ESR1: variants seen among roughly 807,000 people sequenced by gnomAD.
The protein encoded by ESR1 is estrogen receptor 1.
Under a neutral mutation model 52.7 loss-of-function variants are expected in ESR1, and 12 were observed. That is an observed-to-expected ratio of 0.23 (90% CI 0.15 to 0.37). The LOEUF (loss-of-function observed/expected upper bound fraction) is 0.37, where lower values mean the gene tolerates loss of function less well. Among genes scored for constraint, ESR1 ranks in the 10% least tolerant of loss-of-function variants. ESR1 has a pLI of 1.00. For synonymous variants in ESR1, 305 were observed against 316.8 expected, an observed-to-expected ratio of 0.96 and a Z score of 0.39; for missense variants, 584 against 779.7, an observed-to-expected ratio of 0.75 and a Z score of 2.99.
intron 2 of ESR1, among the ~76,000 whole-genome samples, chr6:151,846,871 T>C (rs138130355): frequency 2.6e-4 from 40 of 152,294 alleles, no homozygotes; most frequent in African/African-American, 8.7e-4. Context: ...ATGAGTTATA[T>C]AAGCAGATCT....
At position 151,752,055 on chromosome 6, in the gene ESR1, G is replaced by T. The variant is rs139185627; in HGVS notation, c.-71+50050G>T. 5.3e-5 allele frequency among the ~76,000 whole-genome samples: 8 copies of T among 152,276 alleles called. 1 individual carries two copies. In the East Asian group the frequency reaches 1.5e-3, roughly 29 times the overall value. ...TTGGGTATTTTAGTTGGCAAATTTTGCAGACATGTAGCTTTGGTAGTGGAG... is the reference window on the plus strand; with the variant it reads ...TTGGGTATTTTAGTTGGCAAATTTTTCAGACATGTAGCTTTGGTAGTGGAG... On this transcript the variant is annotated intron_variant, in intron 2 of 2. Coordinates refer to the ESR1 transcript ENST00000404742.
chr6:151,816,924 TAATC>T (rs1411060158), intron 1 of ESR1, among the ~76,000 whole-genome samples: 3 of 152,044 alleles, frequency 2.0e-5, no homozygotes, highest in East Asian at 1.9e-4. Flanking sequence ...CAGTAAAAAT[TAATC>T]AATCAATAAA....
intron 2 of ESR1, among the ~76,000 whole-genome samples, chr6:151,850,498 A>G (rs1358240091): frequency 6.6e-6 from 1 of 151,956 alleles, no homozygotes; most frequent in Admixed American, 6.6e-5. Context: ...ACATCTACAA[A>G]GCAAGGAACA....
intron 3 of ESR1, among the ~76,000 whole-genome samples, chr6:151,887,040 CAA>C (rs11316986): frequency 1.0e-3 from 93 of 90,718 alleles, no homozygotes; most frequent in African/African-American, 2.2e-3. Flanking sequence ...GACTCCATCT[CAA>C]AAAAAAAAAA....
intron 3 of ESR1, among the ~76,000 whole-genome samples, chr6:151,906,362 GA>G (rs1451693004): frequency 6.6e-6 from 1 of 151,874 alleles, no homozygotes; most frequent in Non-Finnish European, 1.5e-5. Context: ...ACCTAGTTAA[GA>G]AAAAGCAGTT....
rs1011836411 is a variant in ESR1 at position 151,872,103 on chromosome 6, C to T, written c.644-8552C>T. Among the ~76,000 whole-genome samples the T allele has an allele frequency of 5.9e-5, 9 of 152,144 alleles. No homozygotes were observed. In the East Asian group the frequency reaches 7.7e-4, roughly 13 times the overall value. Reference sequence around the variant, plus strand: ...ATTATTTTGGGTCTACACCTCAAAGCGGAATTGTTGGAAGTGGAATTGCTT... The same window carrying T: ...ATTATTTTGGGTCTACACCTCAAAGTGGAATTGTTGGAAGTGGAATTGCTT... On this transcript the variant is annotated intron_variant, in intron 2 of 7. Transcript: ENST00000206249.
At chr6:151,875,191 C>T (rs1791607097) in intron 2 of ESR1, among the ~76,000 whole-genome samples, 2 of 152,282 alleles carry the variant, frequency 1.3e-5, no homozygotes, top group South Asian at 4.1e-4. Context: ...CATCTATGAA[C>T]ATCTGCTTTA....
chr6:151,694,757 C>G (rs1193891855), intron 1 of ESR1, among the ~76,000 whole-genome samples: 1 of 150,540 alleles, frequency 6.6e-6, no homozygotes, highest in Non-Finnish European at 1.5e-5. Context: ...ATTGAACTCC[C>G]ACCTGGGCAA....
intron 5 of ESR1, among the ~76,000 whole-genome samples, chr6:152,025,205 C>G (rs75886610): frequency 7.8e-6 from 1 of 127,472 alleles, no homozygotes; most frequent in Admixed American, 8.2e-5. Flanking sequence ...CTTCATCACG[C>G]TTTTTTTTTT....
intron 4 of ESR1, among the ~76,000 whole-genome samples, chr6:151,973,568 A>C (rs2128643088): frequency 6.6e-6 from 1 of 152,254 alleles, no homozygotes; most frequent in South Asian, 2.1e-4. Flanking sequence ...TTTTCCTGAG[A>C]GTCTACTATG....
chr6:151,858,984 A>G (rs1423852659), intron 2 of ESR1, among the ~76,000 whole-genome samples: 2 of 152,212 alleles, frequency 1.3e-5, no homozygotes, highest in African/African-American at 4.8e-5. Flanking sequence ...GGCTATGGGT[A>G]AGGTTACAGT....
At chr6:152,086,085 C>A (rs1465502237) in intron 6 of ESR1, among the ~76,000 whole-genome samples, 1 of 152,196 alleles carries the variant, frequency 6.6e-6, no homozygotes, top group Admixed American at 6.5e-5. Flanking sequence ...GAGACTAGGT[C>A]ACCCCAGTGG....
intron 6 of ESR1, among the ~76,000 whole-genome samples, chr6:152,071,198 A>G (rs182587306): frequency 4.6e-5 from 7 of 151,314 alleles, no homozygotes; most frequent in African/African-American, 1.7e-4. Flanking sequence ...CAAAGACCTC[A>G]TGATCTGATG....
chr6:151,783,738 A>T (rs1013930111), intron 2 of ESR1, among the ~76,000 whole-genome samples: 2 of 152,122 alleles, frequency 1.3e-5, no homozygotes, highest in African/African-American at 4.8e-5. Flanking sequence ...TTTATTATTA[A>T]CTTAATTCAT....
At chr6:152,031,796 CAG>C (rs1222520666) in intron 5 of ESR1, among the ~76,000 whole-genome samples, 31 of 152,248 alleles carry the variant, frequency 2.0e-4, no homozygotes, top group African/African-American at 7.2e-4. Context: ...TTTATGAGGC[CAG>C]CATCATCCTG....
intron 2 of ESR1, among the ~76,000 whole-genome samples, chr6:151,745,350 A>G (rs917745218): frequency 6.6e-6 from 1 of 152,116 alleles, no homozygotes; most frequent in East Asian, 1.9e-4. Context: ...TTACTGTGGC[A>G]TTGGTGCTTA....
chr6:152,052,991 G>A (rs771368979), intron 5 of ESR1, among the ~76,000 whole-genome samples: 6 of 152,110 alleles, frequency 3.9e-5, no homozygotes, highest in Non-Finnish European at 5.9e-5. Flanking sequence ...CTGAGGTCCT[G>A]GAGGCTCCAG....
intron 1 of ESR1, among the ~76,000 whole-genome samples, chr6:151,832,881 T>C (rs1307454164): frequency 3.3e-5 from 5 of 152,152 alleles, no homozygotes; most frequent in African/African-American, 1.2e-4. Flanking sequence ...ATGGCTGCTA[T>C]TGTTAGTATC....
chr6:152,072,584 A>C (rs1053305723), intron 6 of ESR1, among the ~76,000 whole-genome samples: 1 of 152,034 alleles, frequency 6.6e-6, no homozygotes, highest in Non-Finnish European at 1.5e-5. Context: ...GATCAAGGAG[A>C]TGTTGGTTCA....
Sources: gnomAD v4.1 joint callset for allele counts (sites outside exome capture counted in the v4.1 genomes callset) on GRCh38, gnomAD v4.1.1 for gene constraint, MANE v1.5 for transcripts, NCBI Gene and HGNC (gene_info 2026-07-23, HGNC 2026-07-21) for gene names.